FER: variants seen among roughly 807,000 people sequenced by gnomAD.
FER encodes tyrosine-protein kinase Fer.
FER carries 63 observed loss-of-function variants against 111.0 expected under a neutral mutation model. The ratio of observed to expected loss-of-function variants is 0.57; its 90% confidence interval spans 0.46 to 0.70. The LOEUF is 0.70. Among genes scored for constraint, FER ranks in the 30% least tolerant of loss-of-function variants. The probability of loss-of-function intolerance (pLI) is 0.00; values close to 1 mark genes in which losing one functional copy is unlikely to be tolerated. For synonymous variants in FER, 327 were observed against 313.9 expected (o/e 1.04, Z -0.44); for missense variants, 914 against 954.0 (o/e 0.96, Z 0.55).
At chr5:108,913,358 C>G (rs539682708) in intron 10 of FER, among the ~76,000 whole-genome samples, 3 of 152,116 alleles carry the variant, frequency 2.0e-5, no homozygotes, top group African/African-American at 7.2e-5. Context: ...CAAACAAAAA[C>G]AAAACACTAA....
intron 5 of FER, among the ~76,000 whole-genome samples, chr5:108,854,813 A>G (rs1762840623): frequency 6.6e-6 from 1 of 151,928 alleles, no homozygotes; most frequent in South Asian, 2.1e-4. Flanking sequence ...GCCTGGTGGC[A>G]CACGCCTATA....
rs768251651 is a variant in FER, at chr5:109,189,991, C to G, written c.*2416C>G. The G allele has an allele frequency of 2.6e-5, 4 of 152,096 alleles. No individual in the cohort carries two copies. The highest frequency in any genetic ancestry group is 5.9e-5 in the Non-Finnish European group (4 of 68,018). The allele number at this position is 152,096 out of a possible 1,614,324, so 9.4% of individuals were successfully genotyped here. ...TCCTAAAGCAGGCAGTGGTATAGTT[C>G]AGGATTAATAACTTATTGGGAGTCT... On this transcript the variant is annotated 3_prime_UTR_variant, in exon 20 of 20. Coordinates refer to ENST00000281092, the MANE Select transcript of FER (RefSeq NM_005246.4).
chr5:109,124,626 C>A (rs1301396496), intron 17 of FER, among the ~76,000 whole-genome samples: 1 of 150,658 alleles, frequency 6.6e-6, no homozygotes, highest in African/African-American at 2.4e-5. Context: ...TGTTGTTTTG[C>A]TCCCCTTCCT....
chr5:108,991,704 A>T (rs1313531151), intron 13 of FER, among the ~76,000 whole-genome samples: 1 of 151,992 alleles, frequency 6.6e-6, no homozygotes, highest in Non-Finnish European at 1.5e-5. Context: ...TTATTCAGTA[A>T]GGTTTTTTTT....
intron 16 of FER, among the ~76,000 whole-genome samples, chr5:109,047,790 C>T (rs989833157): frequency 3.3e-5 from 5 of 151,432 alleles, no homozygotes; most frequent in Non-Finnish European, 5.9e-5. Flanking sequence ...GAATCACTTT[C>T]GAATTATGAA....
chr5:108,971,148 A>G (rs1028225500), intron 13 of FER, among the ~76,000 whole-genome samples: 2 of 152,056 alleles, frequency 1.3e-5, no homozygotes, highest in African/African-American at 2.4e-5. Context: ...TTGTGTAGCT[A>G]AAACCAATTC....
intron 17 of FER, among the ~76,000 whole-genome samples, chr5:109,166,581 A>C (rs998661753): frequency 3.3e-4 from 50 of 152,186 alleles, no homozygotes; most frequent in African/African-American, 1.2e-3. Context: ...CTTATAGTAC[A>C]GTGTCTCAAA....
intron 17 of FER, among the ~76,000 whole-genome samples, chr5:109,166,500 T>G (rs913783627): frequency 6.6e-6 from 1 of 152,188 alleles, no homozygotes; most frequent in Non-Finnish European, 1.5e-5. Context: ...TGAGCTATCA[T>G]TTGCACTATT....
chr5:108,774,920 G>A (rs1483509550), intron 2 of FER, among the ~76,000 whole-genome samples: 4 of 151,950 alleles, frequency 2.6e-5, no homozygotes, highest in Non-Finnish European at 5.9e-5. Flanking sequence ...GTCAATTTTG[G>A]CTTTTGTTGC....
intron 17 of FER, among the ~76,000 whole-genome samples, chr5:109,140,486 C>G (rs1198605713): frequency 6.6e-6 from 1 of 151,980 alleles, no homozygotes; most frequent in Non-Finnish European, 1.5e-5. Context: ...AATAGAAAAA[C>G]AAAATTAGGA....
chr5:109,054,688 G>T (rs1773399381), intron 16 of FER, among the ~76,000 whole-genome samples: 1 of 151,968 alleles, frequency 6.6e-6, no homozygotes, highest in African/African-American at 2.4e-5. Flanking sequence ...CCTAAAAGTT[G>T]TTTCTTAAGT....
chr5:109,098,093 A>G (rs752092712), intron 16 of FER, among the ~76,000 whole-genome samples: 2 of 151,778 alleles, frequency 1.3e-5, no homozygotes, highest in Non-Finnish European at 3.0e-5. Context: ...CCCCTTGTGT[A>G]TCTTTGACTA....
At chr5:108,842,554 C>T (rs1227502943) in intron 5 of FER, 1 of 152,052 alleles carries the variant, frequency 6.6e-6, no homozygotes, top group Non-Finnish European at 1.5e-5. Flanking sequence ...CTAACAATCT[C>T]ATCAAAAAGT....
intron 3 of FER, among the ~76,000 whole-genome samples, chr5:108,806,842 A>G (rs978489657): frequency 2.0e-5 from 3 of 152,150 alleles, no homozygotes; most frequent in African/African-American, 2.4e-5. Context: ...CTTGTCTCAG[A>G]TGAGACATTG....
intron 16 of FER, among the ~76,000 whole-genome samples, chr5:109,064,834 A>G (rs936423945): frequency 1.3e-5 from 2 of 152,208 alleles, no homozygotes; most frequent in Non-Finnish European, 2.9e-5. Flanking sequence ...ATCCTTCCAC[A>G]TGAATGAACA....
At chr5:109,052,987 C>T (rs377213393) in intron 16 of FER, among the ~76,000 whole-genome samples, 1 of 152,196 alleles carries the variant, frequency 6.6e-6, no homozygotes. Flanking sequence ...CATCATGCTT[C>T]AGTCATTTGG....
chr5:108,958,801 G>T (rs1758766284), intron 12 of FER, among the ~76,000 whole-genome samples: 1 of 151,676 alleles, frequency 6.6e-6, no homozygotes, highest in African/African-American at 2.4e-5. Context: ...TTATATTTTT[G>T]ACATTTTTGA....
intron 13 of FER, among the ~76,000 whole-genome samples, chr5:108,998,497 C>T (rs1764302684): frequency 6.6e-6 from 1 of 152,166 alleles, no homozygotes; most frequent in Non-Finnish European, 1.5e-5. Flanking sequence ...CAACCAGTCC[C>T]AGTGAGATGA....
At chr5:108,804,133 G>A (rs1342306796) in intron 3 of FER, among the ~76,000 whole-genome samples, 3 of 152,042 alleles carry the variant, frequency 2.0e-5, no homozygotes, top group Non-Finnish European at 4.4e-5. Context: ...TTGGCTATCA[G>A]CTTGAATGTT....
Sources: gnomAD v4.1 joint callset for allele counts (sites outside exome capture counted in the v4.1 genomes callset) on GRCh38, gnomAD v4.1.1 for gene constraint, MANE v1.5 for transcripts, NCBI Gene and HGNC (gene_info 2026-07-23, HGNC 2026-07-21) for gene names.